The following NPAS3 variants were observed in gnomAD, a reference collection of about 807,000 sequenced individuals.
NPAS3 encodes neuronal PAS domain-containing protein 3.
A neutral mutation model predicts 73.1 loss-of-function variants in NPAS3; 14 were observed. The observed-to-expected ratio is 0.19, with a 90% CI of 0.13 to 0.30. The LOEUF (loss-of-function observed/expected upper bound fraction) is 0.30, where lower values mean the gene tolerates loss of function less well. Among genes scored for constraint, NPAS3 ranks in the 10% least tolerant of loss-of-function variants. NPAS3 has a pLI of 1.00. For missense variants in NPAS3, 1,096 were observed against 1,250.0 expected, an observed-to-expected ratio of 0.88 and a Z score of 1.86; for synonymous variants, 620 against 541.5, an observed-to-expected ratio of 1.14 and a Z score of -2.01.
chr14:33,455,181 AAAAC>A (rs2049971663), intron 4 of NPAS3, among the ~76,000 whole-genome samples: 2 of 152,256 alleles, frequency 1.3e-5, no homozygotes, highest in Non-Finnish European at 2.9e-5. Context: ...AAGTAAAAAC[AAAAC>A]AAACAAAGCT....
chr14:33,285,415 GTAAAA>G (rs1350664503), intron 3 of NPAS3, among the ~76,000 whole-genome samples: 2 of 152,252 alleles, frequency 1.3e-5, no homozygotes, highest in Non-Finnish European at 2.9e-5. Flanking sequence ...TAGTTATTGA[GTAAAA>G]TATTTTCTCC....
chr14:33,073,946 G>C (rs545061437), intron 2 of NPAS3, among the ~76,000 whole-genome samples: 1 of 152,286 alleles, frequency 6.6e-6, no homozygotes, highest in South Asian at 2.1e-4. Context: ...GGGCTGTTGT[G>C]TGAACATGGG....
intron 3 of NPAS3, among the ~76,000 whole-genome samples, chr14:33,222,811 ATAAAC>A (rs1454474401): frequency 6.6e-6 from 1 of 152,206 alleles, no homozygotes; most frequent in Non-Finnish European, 1.5e-5. Context: ...AGTTTAAATC[ATAAAC>A]TAGGGAGATG....
intron 5 of NPAS3, among the ~76,000 whole-genome samples, chr14:33,633,466 A>G (rs1374990776): frequency 1.3e-5 from 2 of 152,212 alleles, no homozygotes; most frequent in Admixed American, 6.5e-5. Flanking sequence ...TTATGGGAAC[A>G]TCATAGAGTG....
In NPAS3 at chr14:33,308,525, T is replaced by TACACACACACACACAC. The variant is rs1280716729; in HGVS notation, c.386-58660_386-58659insCACACACACACACACA. On this transcript the variant is annotated intron_variant, in intron 3 of 11. Transcript: ENST00000356141. ...ATTGCATAGTTTATATATATATATA[T>TACACACACACACACAC]ATACATACACACACACACACACACA... 1.6e-3 allele frequency among the ~76,000 whole-genome samples: 129 copies of TACACACACACACACAC among 82,472 alleles called. 1 individual carries two copies. The highest frequency in any genetic ancestry group is 2.0e-3 in the African/African-American group (41 of 20,054). 54.1% of individuals were successfully genotyped at this position (82,472 alleles called of 152,430 possible). A position where few individuals can be genotyped will look rare whatever the true frequency, so the allele number is the denominator to read the frequency against.
chr14:33,432,234 A>C (rs940256708), intron 4 of NPAS3, among the ~76,000 whole-genome samples: 5 of 152,180 alleles, frequency 3.3e-5, no homozygotes, highest in African/African-American at 1.2e-4. Flanking sequence ...GCTTAACAAT[A>C]TATTCCTTTG....
intron 4 of NPAS3, among the ~76,000 whole-genome samples, chr14:33,557,059 T>A (rs1328952827): frequency 5.3e-5 from 8 of 152,236 alleles, no homozygotes; most frequent in Admixed American, 4.6e-4. Context: ...CTAATTTTCA[T>A]GAGTCATCCT....
chr14:33,006,082 G>C (rs7141802), intron 1 of NPAS3, among the ~76,000 whole-genome samples: 15,937 of 152,068 alleles, frequency 0.1, 1,469 homozygotes, highest in African/African-American at 0.25. Flanking sequence ...ATCTCCTCTT[G>C]CTCTCTGGAT....
intron 2 of NPAS3, among the ~76,000 whole-genome samples, chr14:33,173,932 T>C (rs7148057): frequency 0.32 from 48,296 of 152,064 alleles, 8,866 homozygotes; most frequent in Non-Finnish European, 0.43. Context: ...TTTTGATGAA[T>C]GGACAGAAAT....
At chr14:33,656,813 TTC>T (rs1489197065) in intron 5 of NPAS3, among the ~76,000 whole-genome samples, 2 of 152,180 alleles carry the variant, frequency 1.3e-5, no homozygotes, top group Admixed American at 1.3e-4. Context: ...CTAGAACTTA[TTC>T]TGTGTATCTA....
chr14:32,957,201 A>G (rs922484450), intron 1 of NPAS3, among the ~76,000 whole-genome samples: 3 of 152,134 alleles, frequency 2.0e-5, no homozygotes, highest in African/African-American at 7.2e-5. Flanking sequence ...GTAAATATAT[A>G]TGTTTTACAG....
At chr14:33,769,756 C>CTTTT (rs916953785) in intron 7 of NPAS3, among the ~76,000 whole-genome samples, 24,350 of 81,460 alleles carry the variant, frequency 0.3, 6,870 homozygotes, top group East Asian at 0.51. Flanking sequence ...TTTTTTTTTT[C>CTTTT]TTTTTTTTTT....
intron 4 of NPAS3, among the ~76,000 whole-genome samples, chr14:33,391,281 C>T (rs2046993397): frequency 6.7e-6 from 1 of 149,548 alleles, no homozygotes; most frequent in African/African-American, 2.5e-5. Flanking sequence ...ACAACCTCTG[C>T]CTCGCAGGTT....
At chr14:32,996,343 A>G (rs1261985500) in intron 1 of NPAS3, among the ~76,000 whole-genome samples, 1 of 152,198 alleles carries the variant, frequency 6.6e-6, no homozygotes, top group African/African-American at 2.4e-5. Flanking sequence ...AGAAAATCCC[A>G]TTTTCTGAGG....
At chr14:33,578,342 T>C (rs747783227) in intron 5 of NPAS3, 2 of 407,012 alleles carry the variant, frequency 4.9e-6, no homozygotes, top group Middle Eastern at 3.9e-4. Flanking sequence ...TACAGGCATG[T>C]ACTACCACAC....
chr14:33,513,081 A>G (rs1246271758), intron 4 of NPAS3, among the ~76,000 whole-genome samples: 1 of 152,176 alleles, frequency 6.6e-6, no homozygotes, highest in Non-Finnish European at 1.5e-5. Flanking sequence ...TCATTGGTGG[A>G]TGACAGAACT....
At chr14:33,268,436 T>C (rs1272039069) in intron 3 of NPAS3, among the ~76,000 whole-genome samples, 1 of 152,214 alleles carries the variant, frequency 6.6e-6, no homozygotes, top group Non-Finnish European at 1.5e-5. Flanking sequence ...GGACCCTTTA[T>C]TCTGTGGTTT....
chr14:33,678,892 C>A (rs1243330290), intron 6 of NPAS3, among the ~76,000 whole-genome samples: 1 of 152,118 alleles, frequency 6.6e-6, no homozygotes, highest in African/African-American at 2.4e-5. Flanking sequence ...GAAGCCCTAG[C>A]ATGCATAAAA....
chr14:33,227,078 CAT>C (rs1197304019), intron 3 of NPAS3, among the ~76,000 whole-genome samples: 1 of 152,150 alleles, frequency 6.6e-6, no homozygotes, highest in Non-Finnish European at 1.5e-5. Context: ...GTCCTAGAGA[CAT>C]ATGAAAGGAA....
Sources: gnomAD v4.1 joint callset for allele counts (sites outside exome capture counted in the v4.1 genomes callset) on GRCh38, gnomAD v4.1.1 for gene constraint, MANE v1.5 for transcripts, NCBI Gene and HGNC (gene_info 2026-07-23, HGNC 2026-07-21) for gene names.